The following RASGRP3 variants were observed in gnomAD, a reference collection of about 807,000 sequenced individuals.
RASGRP3 encodes the protein RAS guanyl releasing protein 3, also known as ras guanyl-releasing protein 3.
Under a neutral mutation model 82.7 loss-of-function variants are expected in RASGRP3, and 54 were observed. The ratio of observed to expected loss-of-function variants is 0.65; its 90% CI spans 0.52 to 0.82. The LOEUF (loss-of-function observed/expected upper bound fraction) is 0.82. Among genes scored for constraint, RASGRP3 ranks in the 40% least tolerant of loss-of-function variants. The pLI is 0.00. For synonymous variants in RASGRP3, 309 were observed against 300.5 expected, an observed-to-expected ratio of 1.03 and a Z score of -0.29; for missense variants, 861 against 828.9, an observed-to-expected ratio of 1.04 and a Z score of -0.48.
rs752345794 is a variant in RASGRP3 at position 33,523,860 on chromosome 2, C to G, written c.517-19C>G. On this transcript the variant is annotated intron_variant, in intron 7 of 17. Coordinates refer to ENST00000403687, the MANE Select transcript of RASGRP3 (RefSeq NM_001139488.2). ...AAGGCTCTATTATAATTCAGAGTCTCTGAATCTTCCTTTCCTAGTTCACTG... is the reference window on the plus strand; with the variant it reads ...AAGGCTCTATTATAATTCAGAGTCTGTGAATCTTCCTTTCCTAGTTCACTG... The G allele has an allele frequency of 1.3e-6, 2 of 1,592,458 alleles. No homozygotes were observed. Among genetic ancestry groups the G allele is most frequent in the Non-Finnish European group, 1.7e-6 (2 of 1,166,352 alleles).
intron 12 of RASGRP3, chr2:33,540,050 G>A (rs903952133): frequency 1.4e-4 from 21 of 152,080 alleles, no homozygotes; most frequent in Admixed American, 4.6e-4. Context: ...GGGGAACACG[G>A]AAACATCTCG....
In RASGRP3 at chr2:33,524,487, G is replaced by A. The variant is rs764688660; in HGVS notation, c.746G>A (p.Ser249Asn). ...CTGATGGCAGTGGTGGGAGGCCTCA[G>A]TCATAGTTCCATTTCACGCCTCAAA... is the stretch of plus-strand genomic sequence containing the variant. ...NTLMAVVGGL[S>N]HSSISRLKET... Residue 249 changes from serine (S) to asparagine (N), a missense_variant, in exon 9 of 18, where the codon AGT becomes AAT. Transcript: ENST00000403687. The A allele has an allele frequency of 1.9e-6, 3 of 1,606,226 alleles. No homozygotes were observed. Among genetic ancestry groups the A allele is most frequent in the Non-Finnish European group, 2.6e-6 (3 of 1,176,292 alleles).
chr2:33,484,952 A>T (rs1199468425), intron 1 of RASGRP3, among the ~76,000 whole-genome samples: 1 of 152,184 alleles, frequency 6.6e-6, no homozygotes, highest in South Asian at 2.1e-4. Context: ...TAATCCCAGC[A>T]CTTTGGGAGG....
intron 2 of RASGRP3, among the ~76,000 whole-genome samples, chr2:33,467,098 A>ATT (rs1316279599): frequency 6.6e-6 from 1 of 152,014 alleles, no homozygotes; most frequent in Non-Finnish European, 1.5e-5. Flanking sequence ...TCTACTTGGT[A>ATT]TTATATATAA....
chr2:33,468,950 A>G (rs759963839), intron 2 of RASGRP3, among the ~76,000 whole-genome samples: 22 of 152,140 alleles, frequency 1.4e-4, no homozygotes, highest in Non-Finnish European at 2.8e-4. Context: ...TCTTCCTCCT[A>G]TGTTGTACGA....
chr2:33,558,828 C>A lies in RASGRP3; in HGVS notation c.1862C>A (p.Ser621Ter). ...SQATQTEPVWSEAGWGDSGSH... is the reference protein window; with the variant it reads ...SQATQTEPVW Reference sequence around the variant, plus strand: ...GCCACCCAGACTGAACCTGTCTGGTCAGAGGCTGGCTGGGGGGACTCGGGG... The same window carrying A: ...GCCACCCAGACTGAACCTGTCTGGTAAGAGGCTGGCTGGGGGGACTCGGGG... The change falls in exon 17 of 18, where the codon TCA (serine) becomes TAA (stop). Residue 621 changes from serine (S) to a stop codon, truncating the protein, a stop_gained. Transcript: ENST00000403687. LOFTEE classifies it high-confidence loss of function. The A allele has an allele frequency of 1.2e-6, 2 of 1,613,966 alleles. No individual in the cohort carries two copies. Among genetic ancestry groups the A allele is most frequent in the South Asian group, 2.2e-5 (2 of 91,034 alleles).
chr2:33,442,690 A>G (rs962272157), intron 1 of RASGRP3, among the ~76,000 whole-genome samples: 8 of 152,228 alleles, frequency 5.3e-5, no homozygotes, highest in African/African-American at 1.9e-4. Context: ...AAAGACATGC[A>G]CTTTTTTCAT....
chr2:33,549,739 CTG>C lies in RASGRP3; in HGVS notation c.1533_1534del (p.Ala512GlyfsTer60). On this transcript the variant is annotated frameshift_variant, in exon 14 of 18. Coordinates refer to ENST00000403687, the MANE Select transcript of RASGRP3 (RefSeq NM_001139488.2). LOFTEE classifies it high-confidence loss of function. The stretch of plus-strand genomic sequence containing the variant: ...ATCTCAAGCCAACCTTCTGCGAACA[CTG>C]TGCGGGATTTGTAAGTCTGTTTTCC... Reference protein sequence around the residue: ...TYLKPTFCEHCAGFLWGIIKQ... With the variant: ...TYLKPTFCEHXAGFLWGIIKQ... 6.2e-7 allele frequency: 1 copy of C among 1,613,702 alleles called. No individual in the cohort carries two copies. Among genetic ancestry groups the C allele is most frequent in the Non-Finnish European group, 8.5e-7 (1 of 1,179,806 alleles).
intron 13 of RASGRP3, among the ~76,000 whole-genome samples, chr2:33,547,593 G>A (rs1157663464): frequency 6.6e-6 from 1 of 151,924 alleles, no homozygotes. Flanking sequence ...CAGGAAGAGA[G>A]GTCTAGCAAG....
rs748550600 is a variant in RASGRP3 at position 33,523,973 on chromosome 2, G to T, written c.611G>T (p.Trp204Leu). Residue 204 changes from tryptophan to leucine, a missense_variant, in exon 8 of 18, where the codon TGG (tryptophan) becomes TTG (leucine). Coordinates refer to ENST00000403687, the MANE Select transcript of RASGRP3 (RefSeq NM_001139488.2). ...SIALFNGISK[W>L]VQLMVLSKPT... ...GCTTTATTTAATGGAATCTCTAAGT[G>T]GGTCCAGTTGATGGTTCTTAGCAAA... The T allele has an allele frequency of 6.2e-7, 1 of 1,613,788 alleles. No individual in the cohort carries two copies.
chr2:33,463,028 T>G (rs146596524), intron 2 of RASGRP3, among the ~76,000 whole-genome samples: 3 of 152,344 alleles, frequency 2.0e-5, no homozygotes, highest in African/African-American at 7.2e-5. Context: ...AACAGTGGCA[T>G]TTCAGAAGAT....
chr2:33,484,376 A>G (rs17013123), intron 1 of RASGRP3, among the ~76,000 whole-genome samples: 2,339 of 152,282 alleles, frequency 0.015, 61 homozygotes, highest in African/African-American at 0.053. Context: ...TATAATCTCC[A>G]TATTTGGTTC....
intron 1 of RASGRP3, among the ~76,000 whole-genome samples, chr2:33,493,575 G>T (rs1163886355): frequency 6.7e-6 from 1 of 148,774 alleles, no homozygotes; most frequent in African/African-American, 2.5e-5. Context: ...AGAACCAATG[G>T]TTTGTGCCAA....
At chr2:33,481,049 A>T (rs1667846465) in intron 1 of RASGRP3, 1 of 152,252 alleles carries the variant, frequency 6.6e-6, no homozygotes, top group South Asian at 2.1e-4. Context: ...GACGAGAGAA[A>T]ATGAGTGACT....
At chr2:33,528,209 T>G (rs1035507957) in intron 10 of RASGRP3, among the ~76,000 whole-genome samples, 3 of 152,250 alleles carry the variant, frequency 2.0e-5, no homozygotes, top group Non-Finnish European at 2.9e-5. Flanking sequence ...TTTATCTGCC[T>G]TACATATCAT....
At chr2:33,554,027 G>A (rs1402423173) in intron 14 of RASGRP3, among the ~76,000 whole-genome samples, 3 of 152,140 alleles carry the variant, frequency 2.0e-5, no homozygotes, top group African/African-American at 7.2e-5. Context: ...GTGAGCCACC[G>A]CGCCCGGCTG....
intron 15 of RASGRP3, 150 bp downstream of exon 15, chr2:33,555,717 G>A: frequency 1.5e-6 from 1 of 665,528 alleles, no homozygotes; most frequent in Admixed American, 2.8e-5. Context: ...CCTCTGAGGA[G>A]GAGTTTCTGG....
chr2:33,555,656 C>G, intron 15 of RASGRP3, 89 bp downstream of exon 15: 2 of 1,161,934 alleles, frequency 1.7e-6, no homozygotes, highest in South Asian at 1.4e-5. Context: ...AAAGCTCTTG[C>G]CATTATTCGG....
Position 33,562,665 on chromosome 2 carries a change from T to C in RASGRP3, c.2065-64T>C. 3.2e-6 allele frequency: 5 copies of C among 1,573,410 alleles called. No individual in the cohort carries two copies. In the African/African-American group the frequency reaches 5.4e-5, roughly 17 times the overall value. ...CAAAGTCATCTGAAAAACTGCTTTC[T>C]AGGAACACTCTTATTTTGTTATATG... On this transcript the variant is annotated intron_variant, in intron 17 of 17. Coordinates refer to ENST00000403687, the MANE Select transcript of RASGRP3 (RefSeq NM_001139488.2).
Sources: gnomAD v4.1 joint callset for allele counts (sites outside exome capture counted in the v4.1 genomes callset) on GRCh38, gnomAD v4.1.1 for gene constraint, MANE v1.5 for transcripts, NCBI Gene and HGNC (gene_info 2026-07-23, HGNC 2026-07-21) for gene names.